The following ACYP2 variants were observed in gnomAD, a reference collection of about 807,000 sequenced individuals.
ACYP2 encodes the protein acylphosphatase-2.
A neutral mutation model predicts 11.2 loss-of-function variants in ACYP2; 12 were observed. That is an observed-to-expected ratio of 1.08 (90% CI 0.69 to 1.74). The LOEUF (loss-of-function observed/expected upper bound fraction) is 1.74. Among genes scored for constraint, ACYP2 ranks in the 40% most tolerant of loss-of-function variants. The probability of loss-of-function intolerance (pLI) is 0.00; values close to 1 mark genes in which losing one functional copy is unlikely to be tolerated. For synonymous variants in ACYP2, 43 were observed against 32.2 expected, an observed-to-expected ratio of 1.33 and a Z score of -1.13; for missense variants, 134 against 101.9, an observed-to-expected ratio of 1.31 and a Z score of -1.35.
At chr2:54,125,103 T>C (rs551613846) in intron 4 of ACYP2, among the ~76,000 whole-genome samples, 1 of 150,778 alleles carries the variant, frequency 6.6e-6, no homozygotes, top group South Asian at 2.1e-4. Context: ...AATTAACATA[T>C]GCACATGGAT....
At chr2:54,115,707 C>T (rs1310441797) in intron 4 of ACYP2, 1 of 1,612,622 alleles carries the variant, frequency 6.2e-7, no homozygotes, top group African/African-American at 1.3e-5. Context: ...CCATGTCTAC[C>T]GCCCAGTCAC....
intron 6 of ACYP2, among the ~76,000 whole-genome samples, chr2:54,202,948 G>A (rs1411618148): frequency 1.3e-5 from 2 of 151,676 alleles, no homozygotes; most frequent in East Asian, 1.9e-4. Context: ...ACGGCTATTC[G>A]TGTTGCCTTG....
chr2:53,990,094 T>C (rs1672215532), intron 2 of ACYP2, among the ~76,000 whole-genome samples: 1 of 151,416 alleles, frequency 6.6e-6, no homozygotes, highest in South Asian at 2.1e-4. Context: ...TTCTCCTGCC[T>C]CAGCCTCCGG....
chr2:53,975,913 A>G (rs534062430), intron 2 of ACYP2, among the ~76,000 whole-genome samples: 1 of 152,354 alleles, frequency 6.6e-6, no homozygotes, highest in South Asian at 2.1e-4. Context: ...CCTCAAGGAA[A>G]CAGACTATAA....
rs187911408 is a variant in ACYP2 at position 54,167,982 on chromosome 2, G to C, written c.404+29234G>C. On this transcript the variant is annotated intron_variant, in intron 6 of 6. Transcript: ENST00000607452. The stretch of plus-strand genomic sequence containing the variant: ...TGTTCTTGGGCCCAGTGCCACCCCA[G>C]AGCCTCATTCCATCCCATTTCTCCA... Among the ~76,000 whole-genome samples the C allele has an allele frequency of 6.6e-5, 10 of 152,298 alleles. No homozygotes were observed. In the East Asian group the frequency reaches 1.9e-3, roughly 29 times the overall value.
intron 4 of ACYP2, among the ~76,000 whole-genome samples, chr2:54,087,304 G>A (rs1456821588): frequency 1.5e-4 from 23 of 152,138 alleles, no homozygotes; most frequent in Admixed American, 1.4e-3. Flanking sequence ...GATGCTAAAT[G>A]TTTCTAATCT....
rs57860939 is a variant in ACYP2, at chr2:54,210,141, C to CAA, written c.404+71419_404+71420dup. Among the ~76,000 whole-genome samples the CAA allele has an allele frequency of 4.2e-4, 30 of 70,940 alleles. No individual in the cohort carries two copies. In the South Asian group the frequency reaches 6.4e-3, roughly 15 times the overall value. The allele number at this position is 70,940 out of a possible 152,430, so 46.5% of individuals were successfully genotyped here. A position where few individuals can be genotyped will look rare whatever the true frequency, so the allele number is the denominator to read the frequency against. Reference sequence around the variant, plus strand: ...GGGTGACAAGAATGAGACTGTGTCTCAAAAAAAAAAAAAAAAAAAAAAAAA... The same window carrying CAA: ...GGGTGACAAGAATGAGACTGTGTCTCAAAAAAAAAAAAAAAAAAAAAAAAAAA... On this transcript the variant is annotated intron_variant, in intron 6 of 6. Coordinates refer to ENST00000607452, the MANE Select transcript of ACYP2 (RefSeq NM_001320586.2).
intron 6 of ACYP2, among the ~76,000 whole-genome samples, chr2:54,184,840 A>C (rs1438865829): frequency 6.6e-6 from 1 of 151,622 alleles, no homozygotes; most frequent in African/African-American, 2.4e-5. Flanking sequence ...TAATGCATTT[A>C]AGCAATTTTT....
intron 6 of ACYP2, among the ~76,000 whole-genome samples, chr2:54,148,383 G>A (rs2103804231): frequency 6.6e-6 from 1 of 152,344 alleles, no homozygotes; most frequent in South Asian, 2.1e-4. Flanking sequence ...AAAGAAGATA[G>A]ACATGCCATG....
chr2:54,289,286 G>A (rs571947543), intron 6 of ACYP2, among the ~76,000 whole-genome samples: 1 of 151,604 alleles, frequency 6.6e-6, no homozygotes, highest in African/African-American at 2.4e-5. Context: ...CCTCTTATTT[G>A]CCAAAAATTC....
chr2:54,140,004 T>A (rs1199048001), intron 6 of ACYP2, among the ~76,000 whole-genome samples: 2 of 152,236 alleles, frequency 1.3e-5, no homozygotes, highest in Non-Finnish European at 2.9e-5. Context: ...TATCAACTCC[T>A]TATTTTTCTA....
chr2:54,299,857 G>A (rs1022579293), intron 6 of ACYP2, among the ~76,000 whole-genome samples: 2 of 152,186 alleles, frequency 1.3e-5, no homozygotes, highest in Non-Finnish European at 2.9e-5. Context: ...ACACTGCATT[G>A]CAGGCAGGTG....
At chr2:54,023,817 C>CA (rs1274630583) in intron 2 of ACYP2, among the ~76,000 whole-genome samples, 2 of 151,942 alleles carry the variant, frequency 1.3e-5, no homozygotes, top group East Asian at 1.9e-4. Context: ...AAATTGCCAA[C>CA]AAAAAAATGT....
intron 6 of ACYP2, among the ~76,000 whole-genome samples, chr2:54,141,083 T>G (rs1681574344): frequency 6.6e-6 from 1 of 152,256 alleles, no homozygotes; most frequent in African/African-American, 2.4e-5. Context: ...TATGCTTATG[T>G]CTGTGAATTT....
intron 6 of ACYP2, among the ~76,000 whole-genome samples, chr2:54,192,135 A>G (rs1030800719): frequency 5.9e-5 from 9 of 152,366 alleles, no homozygotes; most frequent in South Asian, 4.1e-4. Context: ...AATTTAGGAT[A>G]CATACACAGA....
At chr2:54,012,821 ACT>A (rs1237517932) in intron 2 of ACYP2, among the ~76,000 whole-genome samples, 1 of 151,840 alleles carries the variant, frequency 6.6e-6, no homozygotes, top group African/African-American at 2.4e-5. Context: ...AGGTCAAGTC[ACT>A]CTTGGCGCTG....
chr2:54,161,722 T>A (rs1380486773), intron 6 of ACYP2, among the ~76,000 whole-genome samples: 2 of 152,206 alleles, frequency 1.3e-5, no homozygotes, highest in East Asian at 3.8e-4. Flanking sequence ...ACATGAACAG[T>A]ATTACACACT....
At position 54,201,646 on chromosome 2, in the gene ACYP2, C is replaced by CTTTCTTTGTTTCTT. The variant is rs1553391381; in HGVS notation, c.404+62905_404+62906insGTTTCTTTTTCTTT. On this transcript the variant is annotated intron_variant, in intron 6 of 6. Transcript: ENST00000607452. ...TTTGTTTCTTTCTTTCTCTTTCTTT[C>CTTTCTTTGTTTCTT]TTTCTTTCTTTCTTTCTTTCTTTCT... Among the ~76,000 whole-genome samples, 255 of 75,030 alleles carry CTTTCTTTGTTTCTT rather than the reference C, an allele frequency of 3.4e-3. 1 individual carries two copies. The highest frequency in any genetic ancestry group is 4.2e-3 in the Non-Finnish European group (151 of 35,994). 49.2% of individuals were successfully genotyped at this position (75,030 alleles called of 152,430 possible). A position where few individuals can be genotyped will look rare whatever the true frequency, so the allele number is the denominator to read the frequency against.
intron 6 of ACYP2, among the ~76,000 whole-genome samples, chr2:54,173,258 T>C (rs886558080): frequency 2.0e-5 from 3 of 152,248 alleles, no homozygotes; most frequent in African/African-American, 7.2e-5. Context: ...TGAGATGGTA[T>C]CTCATTGTGG....
Sources: allele counts gnomAD v4.1 joint callset (sites outside exome capture counted in the v4.1 genomes callset), GRCh38; gene constraint gnomAD v4.1.1; transcripts MANE v1.5; gene names NCBI Gene and HGNC (gene_info 2026-07-23, HGNC 2026-07-21).